The following C7 variants were observed in gnomAD, a reference collection of about 807,000 sequenced individuals.
The protein encoded by C7 is complement component C7.
A neutral mutation model predicts 104.8 loss-of-function variants in C7; 83 were observed. The observed-to-expected ratio is 0.79, with a 90% confidence interval of 0.66 to 0.95. The LOEUF (loss-of-function observed/expected upper bound fraction) is 0.95. C7 is among the 40% of genes least tolerant of loss of function. C7 has a pLI of 0.00. For synonymous variants in C7, 415 were observed against 360.6 expected, an observed-to-expected ratio of 1.15 and a Z score of -1.71; for missense variants, 1,070 against 1,011.2, an observed-to-expected ratio of 1.06 and a Z score of -0.79.
At position 40,936,408 on chromosome 5, in the gene C7, C is replaced by A; in HGVS notation, c.351C>A (p.Asp117Glu). The change falls in exon 5 of 18, where the codon GAC becomes GAA. Residue 117 changes from aspartate (D) to glutamate (E), a missense_variant. Asp to Glu is a conservative substitution (Grantham distance 45). Coordinates refer to ENST00000313164, the MANE Select transcript of C7 (RefSeq NM_000587.4). ...GTGATGAAGACAGTGCTGATGAAGA[C>A]AGATGTGAGGACTCAGAAAGGAGAC... ...SDCDEDSADE[D>E]RCEDSERRPS... 1.2e-6 allele frequency: 2 copies of A among 1,613,174 alleles called. No homozygotes were observed. The highest frequency in any genetic ancestry group is 2.2e-5 in the South Asian group (2 of 91,042).
intron 15 of C7, among the ~76,000 whole-genome samples, chr5:40,975,906 G>T (rs566616029): frequency 6.6e-6 from 1 of 152,302 alleles, no homozygotes; most frequent in East Asian, 1.9e-4. Context: ...TGATGCAAAA[G>T]TGTATGGCAA....
chr5:40,918,989 C>CACACACACG (rs1739384441), intron 1 of C7, among the ~76,000 whole-genome samples: 1 of 148,588 alleles, frequency 6.7e-6, no homozygotes, highest in African/African-American at 2.5e-5. Flanking sequence ...CACACACACA[C>CACACACACG]ACAGAACATT....
intron 14 of C7, among the ~76,000 whole-genome samples, chr5:40,965,637 TATA>T (rs1339587967): frequency 5.2e-5 from 4 of 76,788 alleles, no homozygotes; most frequent in East Asian, 3.6e-4. Flanking sequence ...GATATATATA[TATA>T]TATATATATT....
chr5:40,957,382 T>C (rs1740309323), intron 10 of C7, among the ~76,000 whole-genome samples: 1 of 152,230 alleles, frequency 6.6e-6, no homozygotes, highest in South Asian at 2.1e-4. Context: ...AATCTCTCAG[T>C]CAGGAAATTT....
intron 14 of C7, among the ~76,000 whole-genome samples, chr5:40,967,327 G>A (rs1740578680): frequency 6.6e-6 from 1 of 152,150 alleles, no homozygotes; most frequent in Admixed American, 6.5e-5. Context: ...GCCTCCCAAA[G>A]TGTTGAGATT....
intron 4 of C7, among the ~76,000 whole-genome samples, chr5:40,935,929 G>T (rs1231115642): frequency 1.3e-5 from 2 of 152,180 alleles, no homozygotes; most frequent in East Asian, 3.9e-4. Flanking sequence ...AAATTGTCCG[G>T]CTCTTAAAGC....
chr5:40,952,032 T>C (rs1740181603), intron 9 of C7, among the ~76,000 whole-genome samples: 2 of 152,212 alleles, frequency 1.3e-5, no homozygotes, highest in African/African-American at 4.8e-5. Context: ...GGAAAAAGAA[T>C]GATCTGAACA....
chr5:40,980,252 A>C, intron 17 of C7: 1 of 178,238 alleles, frequency 5.6e-6, no homozygotes, highest in Non-Finnish European at 1.2e-5. Context: ...AAAAATGAAA[A>C]CTTTATATCA....
intron 1 of C7, among the ~76,000 whole-genome samples, chr5:40,919,541 T>G (rs1293184143): frequency 6.6e-6 from 1 of 152,042 alleles, no homozygotes; most frequent in African/African-American, 2.4e-5. Context: ...GTGGGAGGAT[T>G]GCTTAAGTCC....
rs192857954 is a variant in C7, at chr5:40,940,513, T to C, written c.567+2823T>C. Among the ~76,000 whole-genome samples the C allele has an allele frequency of 3.4e-3, 511 of 152,322 alleles. 3 individuals are homozygous for C. The highest frequency in any genetic ancestry group is 0.01 in the Middle Eastern group (3 of 294). On this transcript the variant is annotated intron_variant, in intron 6 of 17. Coordinates refer to ENST00000313164, the MANE Select transcript of C7 (RefSeq NM_000587.4). ...TTGGTCTTGAATATACTTCATTATA[T>C]ATTTTGAAGAGAAATCCTAAATGCA...
chr5:40,962,224 T>A, intron 13 of C7, 52 bp downstream of exon 13: 1 of 1,064,426 alleles, frequency 9.4e-7, no homozygotes, highest in Non-Finnish European at 1.4e-6. Context: ...CTTCTATCTC[T>A]CTGCTGAGCC....
intron 13 of C7, 57 bp downstream of exon 13, chr5:40,962,229 T>A (rs915024848): frequency 1.9e-6 from 2 of 1,030,190 alleles, no homozygotes; most frequent in Non-Finnish European, 2.8e-6. Context: ...ATCTCTCTGC[T>A]GAGCCCATAA....
chr5:40,972,028 A>G, intron 14 of C7: 1 of 459,834 alleles, frequency 2.2e-6, no homozygotes, highest in Non-Finnish European at 4.3e-6. Context: ...ATCCAACTGG[A>G]TGAAAGTTAA....
chr5:40,981,952 G>A lies in C7; in HGVS notation c.*379G>A. Reference sequence around the variant, plus strand: ...TATGATTGACACAGCCCATGGGCCAGAACACACTCTACAAAATGACTAGGA... The same window carrying A: ...TATGATTGACACAGCCCATGGGCCAAAACACACTCTACAAAATGACTAGGA... On this transcript the variant is annotated 3_prime_UTR_variant, in exon 18 of 18. Coordinates refer to ENST00000313164, the MANE Select transcript of C7 (RefSeq NM_000587.4). The A allele has an allele frequency of 6.3e-6, 1 of 159,658 alleles. No homozygotes were observed. The highest frequency in any genetic ancestry group is 1.4e-5 in the Non-Finnish European group (1 of 72,934). The allele number at this position is 159,658 out of a possible 1,614,324, so 9.9% of individuals were successfully genotyped here. A position where few individuals can be genotyped will look rare whatever the true frequency, so the allele number is the denominator to read the frequency against.
intron 1 of C7, among the ~76,000 whole-genome samples, chr5:40,922,531 C>T (rs1739462440): frequency 6.6e-6 from 1 of 151,394 alleles, no homozygotes; most frequent in Non-Finnish European, 1.5e-5. Context: ...GAAACCCCGT[C>T]TCTACTAAAA....
rs1223319725 is a variant in C7 at position 40,945,359 on chromosome 5, T to C, written c.729T>C (p.His243=). 6.3e-7 allele frequency: 1 copy of C among 1,588,170 alleles called. No homozygotes were observed. Residue 243 remains histidine (H), a synonymous_variant, in exon 7 of 18, where the codon CAT becomes CAC. Transcript: ENST00000313164. ...ATACTTCACATACCAATGAAATCCATAAAGGAAAGGTTAGTATAAAATGTC... is the reference window on the plus strand; with the variant it reads ...ATACTTCACATACCAATGAAATCCACAAAGGAAAGGTTAGTATAAAATGTC... ...RSYTSHTNEI[H]KGKSYQLLVV...
At chr5:40,980,754 C>G (rs1421017470) in intron 17 of C7, among the ~76,000 whole-genome samples, 1 of 152,172 alleles carries the variant, frequency 6.6e-6, no homozygotes, top group Non-Finnish European at 1.5e-5. Context: ...GCACCTGTCC[C>G]CTCACTCCCT....
intron 2 of C7, among the ~76,000 whole-genome samples, chr5:40,929,498 C>T (rs1267392304): frequency 6.6e-6 from 1 of 152,172 alleles, no homozygotes; most frequent in East Asian, 1.9e-4. Flanking sequence ...AGCCAAGGCA[C>T]ACACTATAGA....
At chr5:40,923,489 T>C (rs1383394548) in intron 1 of C7, among the ~76,000 whole-genome samples, 1 of 152,180 alleles carries the variant, frequency 6.6e-6, no homozygotes, top group African/African-American at 2.4e-5. Context: ...CTCCCGCCTG[T>C]AATCCTGACA....
Sources: gnomAD v4.1 joint callset for allele counts (sites outside exome capture counted in the v4.1 genomes callset) on GRCh38, gnomAD v4.1.1 for gene constraint, MANE v1.5 for transcripts, NCBI Gene and HGNC (gene_info 2026-07-23, HGNC 2026-07-21) for gene names.